Variants in PCDHGA6 observed in about 807,000 individuals in gnomAD.
PCDHGA6 encodes the protein protocadherin gamma-A6.
In PCDHGA6, 41 loss-of-function variants were observed where a neutral mutation model predicts 60.6. That is an observed-to-expected ratio of 0.68 (90% CI 0.53 to 0.88). The LOEUF is 0.88. PCDHGA6 is among the 40% of genes least tolerant of loss of function. The pLI is 0.00. For missense variants in PCDHGA6, 1,312 were observed against 1,203.0 expected (o/e 1.09, Z -1.34); for synonymous variants, 594 against 524.4 (o/e 1.13, Z -1.81).
At chr5:141,393,762 A>G (rs2092837336) in intron 1 of PCDHGA6, 1 of 1,613,940 alleles carries the variant, frequency 6.2e-7, no homozygotes, top group African/African-American at 1.3e-5. Context: ...ATTTTATGAA[A>G]TGGAAATACA....
At chr5:141,401,756 A>G (rs560146125) in intron 1 of PCDHGA6, among the ~76,000 whole-genome samples, 2 of 152,332 alleles carry the variant, frequency 1.3e-5, no homozygotes, top group African/African-American at 4.8e-5. Context: ...CTCCCATTAC[A>G]TGGTATAAGT....
At chr5:141,460,536 G>T (rs911670681) in intron 1 of PCDHGA6, among the ~76,000 whole-genome samples, 1 of 152,092 alleles carries the variant, frequency 6.6e-6, no homozygotes, top group African/African-American at 2.4e-5. Context: ...AATAATCTTA[G>T]CACCTTAATC....
At chr5:141,394,790 G>T (rs776824024) in intron 1 of PCDHGA6, 1 of 1,613,718 alleles carries the variant, frequency 6.2e-7, no homozygotes, top group Non-Finnish European at 8.5e-7. Context: ...CCACTGTCAC[G>T]CTCACCGTAG....
intron 1 of PCDHGA6, among the ~76,000 whole-genome samples, chr5:141,488,544 C>G (rs1225754325): frequency 6.6e-6 from 1 of 152,166 alleles, no homozygotes; most frequent in African/African-American, 2.4e-5. Flanking sequence ...AGTCCCATGT[C>G]AGCTGACATT....
intron 1 of PCDHGA6, among the ~76,000 whole-genome samples, chr5:141,430,390 A>G (rs1231067120): frequency 6.6e-6 from 1 of 152,216 alleles, no homozygotes; most frequent in Non-Finnish European, 1.5e-5. Flanking sequence ...TGGGAAAAAA[A>G]AAAAAAGCTC....
chr5:141,439,556 C>A (rs543620281), intron 1 of PCDHGA6, among the ~76,000 whole-genome samples: 1 of 152,268 alleles, frequency 6.6e-6, no homozygotes, highest in East Asian at 1.9e-4. Context: ...CTTCAGGCTG[C>A]AGTTCTAGAG....
intron 1 of PCDHGA6, chr5:141,399,883 A>C: frequency 6.2e-7 from 1 of 1,612,718 alleles, no homozygotes; most frequent in South Asian, 1.1e-5. Flanking sequence ...CCTGGTGACC[A>C]AGGTAGTGGC....
chr5:141,447,298 C>T lies in PCDHGA6; in HGVS notation c.2425-47509C>T, dbSNP rs187482431. 1.7e-3 allele frequency among the ~76,000 whole-genome samples: 260 copies of T among 152,214 alleles called. 2 individuals carry two copies. Among genetic ancestry groups the T allele is most frequent in the African/African-American group, 5.8e-3 (239 of 41,534 alleles). ...GGGACTACAGGCACATGCCACCACA[C>T]CCGGCTAATTTTTGTATTTTTAGTA... On this transcript the variant is annotated intron_variant, in intron 1 of 3. Coordinates refer to ENST00000517434, the MANE Select transcript of PCDHGA6 (RefSeq NM_018919.3).
At chr5:141,504,817 G>T in intron 2 of PCDHGA6, among the ~76,000 whole-genome samples, 1 of 151,940 alleles carries the variant, frequency 6.6e-6, no homozygotes, top group East Asian at 1.9e-4. Flanking sequence ...TACCTCCTAG[G>T]TCCCCACTTT....
Position 141,418,145 on chromosome 5 carries a change from T to C in PCDHGA6, c.2424+41638T>C, listed in dbSNP as rs1329322927. On this transcript the variant is annotated intron_variant, in intron 1 of 3. Coordinates refer to ENST00000517434, the MANE Select transcript of PCDHGA6 (RefSeq NM_018919.3). ...GGACCGAATAGACCGTGAGCAAATATGCAAAGAGAGAAGAAGATGTGAGTT... is the reference window on the plus strand; with the variant it reads ...GGACCGAATAGACCGTGAGCAAATACGCAAAGAGAGAAGAAGATGTGAGTT... The C allele has an allele frequency of 5.6e-6, 9 of 1,613,934 alleles. No homozygotes were observed. In the African/African-American group the frequency reaches 8.0e-5, roughly 14 times the overall value.
rs778372966 is a variant in PCDHGA6, at chr5:141,477,105, A to G, written c.2425-17702A>G. The G allele has an allele frequency of 7.4e-6, 12 of 1,614,106 alleles. No individual in the cohort carries two copies. The highest frequency in any genetic ancestry group is 4.0e-5 in the African/African-American group (3 of 74,934). On this transcript the variant is annotated intron_variant, in intron 1 of 3. Transcript: ENST00000517434. This position sits in a 1 kb window ranked among gnomAD's most constrained non-coding sequence, Gnocchi z 4.9. ...ATCCAGGCCAAAGACAAGGGCGCCA[A>G]TCCCGAAGGAGCACATTGCAAAGTG...
At position 141,477,107 on chromosome 5, in the gene PCDHGA6, C is replaced by A. The variant is rs1431445150; in HGVS notation, c.2425-17700C>A. ...CCAGGCCAAAGACAAGGGCGCCAAT[C>A]CCGAAGGAGCACATTGCAAAGTGTT... On this transcript the variant is annotated intron_variant, in intron 1 of 3. Coordinates refer to ENST00000517434, the MANE Select transcript of PCDHGA6 (RefSeq NM_018919.3). This position sits in a 1 kb window ranked among gnomAD's most constrained non-coding sequence, Gnocchi z 4.9. 1 of 1,614,252 alleles carries A rather than the reference C, an allele frequency of 6.2e-7. No homozygotes were observed. The highest frequency in any genetic ancestry group is 8.5e-7 in the Non-Finnish European group (1 of 1,180,048).
chr5:141,476,236 AAG>A lies in PCDHGA6; in HGVS notation c.2425-18565_2425-18564del. ...TCATTCACTATGAGATCCCGGAGGA[AAG>A]AGAGAAGGGTTTCGCTGTGGGCAAC... is the stretch of plus-strand genomic sequence containing the variant. On this transcript the variant is annotated intron_variant, in intron 1 of 3. Transcript: ENST00000517434. The surrounding 1 kb of genome is among the most constrained non-coding windows in gnomAD (Gnocchi z 7.6). 2.5e-6 allele frequency: 4 copies of A among 1,613,980 alleles called. No individual in the cohort carries two copies. Among genetic ancestry groups the A allele is most frequent in the Non-Finnish European group, 3.4e-6 (4 of 1,180,004 alleles).
chr5:141,413,470 C>T (rs748662580), intron 1 of PCDHGA6: 17 of 1,614,110 alleles, frequency 1.1e-5, no homozygotes, highest in Non-Finnish European at 1.4e-5. Flanking sequence ...CCGGGAGGAG[C>T]TCTGCGCTCA....
At chr5:141,474,062 C>A (rs745636246) in intron 1 of PCDHGA6, among the ~76,000 whole-genome samples, 2 of 152,104 alleles carry the variant, frequency 1.3e-5, no homozygotes, top group Non-Finnish European at 2.9e-5. Context: ...AGAGCGAGAT[C>A]CTGCCTCAGA....
At chr5:141,383,449 A>C (rs1231609078) in intron 1 of PCDHGA6, 1 of 1,613,892 alleles carries the variant, frequency 6.2e-7, no homozygotes, top group South Asian at 1.1e-5. Context: ...GGCTGTGCAA[A>C]GTGGAGACGA....
chr5:141,496,160 G>C (rs1428576442), intron 2 of PCDHGA6, among the ~76,000 whole-genome samples: 2 of 151,600 alleles, frequency 1.3e-5, no homozygotes, highest in Admixed American at 6.6e-5. Flanking sequence ...CTCTCCACCA[G>C]ACACCCTCCC....
intron 1 of PCDHGA6, chr5:141,423,243 C>G (rs2096724455): frequency 6.2e-7 from 1 of 1,613,842 alleles, no homozygotes. Flanking sequence ...TCCCCGAAGT[C>G]CTGGCGGACC....
intron 1 of PCDHGA6, chr5:141,418,087 C>G (rs2096220274): frequency 6.2e-7 from 1 of 1,613,894 alleles, no homozygotes; most frequent in African/African-American, 1.3e-5. Context: ...TGCACTTCAG[C>G]GTAGACGCGC....
Sources: allele counts gnomAD v4.1 joint callset (sites outside exome capture counted in the v4.1 genomes callset), GRCh38; gene constraint gnomAD v4.1.1; non-coding constraint Gnocchi (gnomAD v3.1); transcripts MANE v1.5; gene names NCBI Gene and HGNC (gene_info 2026-07-23, HGNC 2026-07-21).